Variants in NTN1 observed in about 807,000 individuals in gnomAD.
NTN1 encodes netrin 1.
In NTN1, 11 loss-of-function variants were observed where a neutral mutation model predicts 54.2. That is an observed-to-expected ratio of 0.20 (90% confidence interval 0.13 to 0.34). The LOEUF is 0.34. Ranked by LOEUF, NTN1 falls within the 10% of genes least tolerant of loss-of-function variation. The probability of loss-of-function intolerance (pLI) is 1.00; values close to 1 mark genes in which losing one functional copy is unlikely to be tolerated. For missense variants in NTN1, 740 were observed against 893.1 expected (o/e 0.83, Z 2.18); for synonymous variants, 371 against 382.0 (o/e 0.97, Z 0.33).
chr17:9,006,326 G>C, the NTN1 span, among the ~76,000 whole-genome samples: 3 of 152,214 alleles, frequency 2.0e-5, no homozygotes, highest in Non-Finnish European at 4.4e-5. Flanking sequence ...AGAAAGGTCA[G>C]CTTGGTTCAT....
At chr17:9,019,073 C>G (rs2091837951), upstream of NTN1, among the ~76,000 whole-genome samples, 1 of 152,174 alleles carries the variant, frequency 6.6e-6, no homozygotes, top group South Asian at 2.1e-4. Context: ...TGCAGGAAAG[C>G]TTAGGGACAA....
In NTN1 at chr17:9,137,856, C is replaced by T. The variant is rs188478100; in HGVS notation, c.1019-24957C>T. Among the ~76,000 whole-genome samples, 127 of 152,326 alleles carry T rather than the reference C, an allele frequency of 8.3e-4. 2 individuals are homozygous for T. The Middle Eastern group carries it at 0.014, about 16-fold the overall frequency. On this transcript the variant is annotated intron_variant, in intron 2 of 6. Coordinates refer to ENST00000173229, the MANE Select transcript of NTN1 (RefSeq NM_004822.3). ...GTACTTCCGGCATTTCCGGCCTTCC[C>T]GGCTGGACTTGGTGTTTTCCCTGTG...
At chr17:9,065,627 C>T (rs545049900) in intron 2 of NTN1, among the ~76,000 whole-genome samples, 34 of 152,328 alleles carry the variant, frequency 2.2e-4, no homozygotes, top group African/African-American at 6.3e-4. Context: ...GTCTGCTTTG[C>T]GATGCCGTGC....
intron 2 of NTN1, among the ~76,000 whole-genome samples, chr17:9,072,014 A>G (rs574032799): frequency 1.4e-4 from 22 of 152,214 alleles, no homozygotes; most frequent in Admixed American, 3.9e-4. Flanking sequence ...CCTTTGTGGG[A>G]TCTGAGCACA....
chr17:9,040,185 A>G (rs1004913189), intron 2 of NTN1, among the ~76,000 whole-genome samples: 2 of 152,204 alleles, frequency 1.3e-5, no homozygotes, highest in Non-Finnish European at 2.9e-5. Flanking sequence ...AATTTTAGCC[A>G]TTCCAATAGA....
intron 2 of NTN1, among the ~76,000 whole-genome samples, chr17:9,149,299 C>G (rs2092321479): frequency 6.7e-6 from 1 of 149,914 alleles, no homozygotes. Context: ...CCCCGAGCTG[C>G]TAACCAGACA....
At chr17:9,053,284 C>T (rs1291618654) in intron 2 of NTN1, among the ~76,000 whole-genome samples, 3 of 152,202 alleles carry the variant, frequency 2.0e-5, no homozygotes, top group Admixed American at 6.5e-5. Flanking sequence ...CTAAGCCTTT[C>T]CCCTAGACCC....
At chr17:9,052,864 GC>G (rs1320805954) in intron 2 of NTN1, among the ~76,000 whole-genome samples, 1 of 152,172 alleles carries the variant, frequency 6.6e-6, no homozygotes, top group South Asian at 2.1e-4. Flanking sequence ...CTGACACAGA[GC>G]CCCCGGGCAG....
rs532220323 is a variant in NTN1, at chr17:9,030,232, A to C, written c.1018+6841A>C. ...AGTTCTATCAGAGGCAGCTGCTGGCACTCAGAGCACAAAGGAAGATACTCT... is the reference window on the plus strand; with the variant it reads ...AGTTCTATCAGAGGCAGCTGCTGGCCCTCAGAGCACAAAGGAAGATACTCT... On this transcript the variant is annotated intron_variant, in intron 2 of 6. Transcript: ENST00000173229. Among the ~76,000 whole-genome samples the C allele has an allele frequency of 1.2e-4, 19 of 152,216 alleles. No homozygotes were observed. In the South Asian group the frequency reaches 3.9e-3, roughly 32 times the overall value.
intron 2 of NTN1, among the ~76,000 whole-genome samples, chr17:9,133,738 C>G (rs1360536128): frequency 6.8e-6 from 1 of 147,740 alleles, no homozygotes; most frequent in African/African-American, 2.5e-5. Flanking sequence ...CAGGTGCGCA[C>G]CACCATGCCC....
chr17:9,197,758 G>C (rs921232920), intron 5 of NTN1, among the ~76,000 whole-genome samples: 2 of 103,264 alleles, frequency 1.9e-5, no homozygotes, highest in African/African-American at 5.9e-5. Flanking sequence ...GGCTGAAGCT[G>C]GGCTAGGCAT....
At chr17:9,130,265 T>C (rs1024031088) in intron 2 of NTN1, among the ~76,000 whole-genome samples, 2 of 151,964 alleles carry the variant, frequency 1.3e-5, no homozygotes, top group Non-Finnish European at 2.9e-5. Flanking sequence ...GCACCATGGG[T>C]CCTCAGGCCA....
chr17:9,027,210 A>G (rs1368780128), intron 2 of NTN1, among the ~76,000 whole-genome samples: 1 of 152,236 alleles, frequency 6.6e-6, no homozygotes, highest in Non-Finnish European at 1.5e-5. Context: ...GCACATAGCT[A>G]TAGATGAGTG....
At chr17:9,040,728 G>A (rs1024223227) in intron 2 of NTN1, among the ~76,000 whole-genome samples, 1 of 151,992 alleles carries the variant, frequency 6.6e-6, no homozygotes, top group Non-Finnish European at 1.5e-5. Context: ...AGTTTCATAT[G>A]GATGTTCTTT....
intron 4 of NTN1, among the ~76,000 whole-genome samples, chr17:9,180,667 G>A (rs540053640): frequency 1.6e-4 from 24 of 152,300 alleles, no homozygotes; most frequent in East Asian, 7.7e-4. Flanking sequence ...CAGAAAGGAC[G>A]GACAGCCCAG....
At chr17:9,160,143 G>A (rs527750962) in intron 2 of NTN1, among the ~76,000 whole-genome samples, 27 of 152,242 alleles carry the variant, frequency 1.8e-4, no homozygotes, top group East Asian at 1.2e-3. Flanking sequence ...ATAGGGTCTC[G>A]CTCTGTGGCT....
intron 2 of NTN1, among the ~76,000 whole-genome samples, chr17:9,082,968 T>C (rs1338814815): frequency 6.6e-6 from 1 of 152,132 alleles, no homozygotes; most frequent in Non-Finnish European, 1.5e-5. Context: ...TAACGTAAGC[T>C]TCGATCATCA....
At chr17:9,109,580 G>A (rs888253126) in intron 2 of NTN1, among the ~76,000 whole-genome samples, 2 of 152,114 alleles carry the variant, frequency 1.3e-5, no homozygotes, top group African/African-American at 4.8e-5. Context: ...TATAAACATT[G>A]TTGCAATAAG....
At chr17:9,146,611 GGGTCTTT>G (rs2092314062) in intron 2 of NTN1, among the ~76,000 whole-genome samples, 2 of 132,200 alleles carry the variant, frequency 1.5e-5, no homozygotes, top group East Asian at 1.9e-4. Flanking sequence ...CACACCCTGG[GGGTCTTT>G]AGACACACCC....
Sources: allele counts gnomAD v4.1 joint callset (sites outside exome capture counted in the v4.1 genomes callset), GRCh38; gene constraint gnomAD v4.1.1; transcripts MANE v1.5; gene names NCBI Gene and HGNC (gene_info 2026-07-23, HGNC 2026-07-21).